COL24A1: variants seen among roughly 807,000 people sequenced by gnomAD.
COL24A1 encodes the protein collagen alpha-1(XXIV) chain.
COL24A1 carries 224 observed loss-of-function variants against 253.9 expected under a neutral mutation model. The ratio of observed to expected loss-of-function variants is 0.88; its 90% CI spans 0.79 to 0.99. COL24A1 has a LOEUF of 0.99. Among genes scored for constraint, COL24A1 ranks in the 50% least tolerant of loss-of-function variants. COL24A1 has a pLI of 0.00. For missense variants in COL24A1, 2,131 were observed against 2,068.5 expected (o/e 1.03, Z -0.59); for synonymous variants, 685 against 673.7 (o/e 1.02, Z -0.26).
In COL24A1 at chr1:86,125,526, C is replaced by A. The variant is rs372411859; in HGVS notation, c.810G>T (p.Pro270=). 3.7e-6 allele frequency: 6 copies of A among 1,613,336 alleles called. No individual in the cohort carries two copies. Among genetic ancestry groups the A allele is most frequent in the Non-Finnish European group, 4.2e-6 (5 of 1,179,724 alleles). The change falls in exon 3 of 60, where the codon CCG becomes CCT. Residue 270 remains proline, a synonymous_variant. Transcript: ENST00000370571. ...IPTKIPEHSP[P]PKLFAEKVLS... ...GTACTTTTTCAGCAAATAGTTTGGG[C>A]GGGGGAGAGTGTTCCGGTATCTTTG...
chr1:86,123,539 A>G (rs1647733008), intron 3 of COL24A1, among the ~76,000 whole-genome samples: 1 of 151,996 alleles, frequency 6.6e-6, no homozygotes. Context: ...AGCAGAGACT[A>G]AGTAAATATC....
chr1:86,094,146 C>A (rs1310650745), intron 5 of COL24A1, among the ~76,000 whole-genome samples: 2 of 151,976 alleles, frequency 1.3e-5, no homozygotes, highest in Non-Finnish European at 2.9e-5. Context: ...TGGGTATATA[C>A]CCAAAGGAAT....
chr1:86,107,782 G>A (rs893437219), intron 5 of COL24A1, among the ~76,000 whole-genome samples: 2 of 151,964 alleles, frequency 1.3e-5, no homozygotes, highest in Non-Finnish European at 2.9e-5. Context: ...TGATCTACCC[G>A]CCTCGGCCTC....
At chr1:85,831,578 T>C (rs1277843179) in intron 43 of COL24A1, among the ~76,000 whole-genome samples, 2 of 152,142 alleles carry the variant, frequency 1.3e-5, no homozygotes, top group African/African-American at 4.8e-5. Context: ...GAAAATGTTA[T>C]TACAAAATTA....
At chr1:85,775,226 G>C (rs908633240) in intron 53 of COL24A1, among the ~76,000 whole-genome samples, 1 of 152,152 alleles carries the variant, frequency 6.6e-6, no homozygotes, top group African/African-American at 2.4e-5. Context: ...TTGCAGTGTT[G>C]TCTGAGAGAC....
intron 19 of COL24A1, among the ~76,000 whole-genome samples, chr1:86,002,847 A>G (rs538418234): frequency 6.6e-5 from 10 of 152,256 alleles, no homozygotes; most frequent in Non-Finnish European, 1.5e-4. Flanking sequence ...CACCACAAAA[A>G]AAGGAAAGGC....
chr1:85,955,617 C>T lies in COL24A1; in HGVS notation c.2562+5632G>A, dbSNP rs78797255. On this transcript the variant is annotated intron_variant, in intron 24 of 59. Transcript: ENST00000370571. ...TTCCCCTAGGGGTTTGACAGCGGGA[C>T]ACCAAAGAAATGAGCCACACCCCTA... Among the ~76,000 whole-genome samples the T allele has an allele frequency of 1.4e-4, 22 of 151,940 alleles. No individual in the cohort carries two copies. The East Asian group carries it at 4.2e-3, about 29-fold the overall frequency.
intron 31 of COL24A1, among the ~76,000 whole-genome samples, chr1:85,891,960 C>G (rs1683174803): frequency 6.6e-6 from 1 of 152,156 alleles, no homozygotes; most frequent in South Asian, 2.1e-4. Context: ...TGACTTCAAC[C>G]CAGTAACTAT....
intron 53 of COL24A1, among the ~76,000 whole-genome samples, chr1:85,773,751 C>T (rs1240147329): frequency 6.6e-6 from 1 of 152,190 alleles, no homozygotes; most frequent in Non-Finnish European, 1.5e-5. Context: ...AGTTGCTTAT[C>T]AGCTTAAGGA....
At chr1:86,071,592 T>C (rs1226070922) in intron 7 of COL24A1, among the ~76,000 whole-genome samples, 2 of 152,088 alleles carry the variant, frequency 1.3e-5, no homozygotes, top group African/African-American at 2.4e-5. Flanking sequence ...AGAGCAAGAA[T>C]AGCTATACTT....
intron 2 of COL24A1, among the ~76,000 whole-genome samples, chr1:86,132,051 A>G (rs980467944): frequency 7.2e-5 from 11 of 152,044 alleles, no homozygotes; most frequent in African/African-American, 1.9e-4. Context: ...TTTAATGATC[A>G]CCATTCTAAC....
In COL24A1 at chr1:86,022,841, CT is replaced by C; in HGVS notation, c.2139del (p.Gly714ValfsTer12). ...LSGNKGLPGI[K>X]GDKGEQGTAG... The stretch of plus-strand genomic sequence containing the variant: ...ATTAATATTTAAATCACCTTATCAC[CT>C]TTGATTCCAGGTAGTCCTTTATTCC... On this transcript the variant is annotated frameshift_variant, in exon 16 of 60. Coordinates refer to ENST00000370571, the MANE Select transcript of COL24A1 (RefSeq NM_152890.7). LOFTEE classifies it high-confidence loss of function. 6.4e-7 allele frequency: 1 copy of C among 1,573,910 alleles called. No individual in the cohort carries two copies. The highest frequency in any genetic ancestry group is 1.2e-5 in the South Asian group (1 of 82,502).
intron 52 of COL24A1, among the ~76,000 whole-genome samples, chr1:85,776,322 T>C (rs1191243351): frequency 6.6e-6 from 1 of 152,146 alleles, no homozygotes; most frequent in Admixed American, 6.6e-5. Flanking sequence ...CCTCAGTTCT[T>C]TTACATTTAG....
At chr1:86,000,069 C>T (rs1047055036) in intron 19 of COL24A1, among the ~76,000 whole-genome samples, 3 of 152,182 alleles carry the variant, frequency 2.0e-5, no homozygotes, top group African/African-American at 7.2e-5. Flanking sequence ...ACCTAGGTCT[C>T]TAGGCTCTGC....
chr1:86,089,555 C>T (rs1294173644), intron 6 of COL24A1, among the ~76,000 whole-genome samples: 2 of 152,162 alleles, frequency 1.3e-5, no homozygotes, highest in Non-Finnish European at 2.9e-5. Context: ...CGCGGTGGCC[C>T]AGGCCTGTAA....
intron 48 of COL24A1, among the ~76,000 whole-genome samples, chr1:85,784,812 C>G (rs893229709): frequency 6.6e-6 from 1 of 151,996 alleles, no homozygotes; most frequent in Non-Finnish European, 1.5e-5. Flanking sequence ...CTTACTGCAG[C>G]CTTAAACTCC....
At chr1:85,737,548 C>A (rs750127449) in intron 57 of COL24A1, 43 bp from the exon 58 acceptor site, 1 of 1,303,476 alleles carries the variant, frequency 7.7e-7, no homozygotes, top group South Asian at 1.4e-5. Flanking sequence ...TTATTAAATG[C>A]CATAATCCTT....
rs765607746 is a variant in COL24A1, at chr1:85,813,532, C to CTTTTTTTTT, written c.3951+3247_3951+3255dup. ...AATTACTAGAAAATCTCATTCAGGT[C>CTTTTTTTTT]TTTTTTTTTTTTTTTTTTTTTTTTT... is the stretch of plus-strand genomic sequence containing the variant. On this transcript the variant is annotated intron_variant, in intron 47 of 59. Coordinates refer to ENST00000370571, the MANE Select transcript of COL24A1 (RefSeq NM_152890.7). Among the ~76,000 whole-genome samples the CTTTTTTTTT allele has an allele frequency of 1.0e-4, 8 of 76,242 alleles. 1 individual carries two copies. In the Admixed American group the frequency reaches 1.3e-3, roughly 13 times the overall value. 50.0% of individuals were successfully genotyped at this position (76,242 alleles called of 152,430 possible). A position where few individuals can be genotyped will look rare whatever the true frequency, so the allele number is the denominator to read the frequency against.
At chr1:86,021,095 T>TA (rs1260277847) in intron 18 of COL24A1, among the ~76,000 whole-genome samples, 1 of 152,192 alleles carries the variant, frequency 6.6e-6, no homozygotes, top group Non-Finnish European at 1.5e-5. Flanking sequence ...TGTAATTTAA[T>TA]ACTGCTTCCT....
Sources: gnomAD v4.1 joint callset for allele counts (sites outside exome capture counted in the v4.1 genomes callset) on GRCh38, gnomAD v4.1.1 for gene constraint, MANE v1.5 for transcripts, NCBI Gene and HGNC (gene_info 2026-07-23, HGNC 2026-07-21) for gene names.